The following GRXCR2 variants were observed in gnomAD, a reference collection of about 807,000 sequenced individuals.
GRXCR2 encodes glutaredoxin domain-containing cysteine-rich protein 2.
GRXCR2 carries 23 observed loss-of-function variants against 24.8 expected under a neutral mutation model. The observed-to-expected ratio is 0.93, with a 90% CI of 0.67 to 1.32. The LOEUF (loss-of-function observed/expected upper bound fraction) is 1.32, where lower values mean the gene tolerates loss of function less well. Among genes scored for constraint, GRXCR2 ranks in the 40% most tolerant of loss-of-function variants. GRXCR2 has a pLI of 0.00. For missense variants in GRXCR2, 315 were observed against 303.4 expected (o/e 1.04, Z -0.28); for synonymous variants, 130 against 116.1 (o/e 1.12, Z -0.77).
intron 2 of GRXCR2, among the ~76,000 whole-genome samples, chr5:145,898,552 A>G (rs2149921776): frequency 6.6e-6 from 1 of 152,264 alleles, no homozygotes. Flanking sequence ...CTAGCAAACT[A>G]AATTCATCAA....
chr5:145,859,785 C>T lies in GRXCR2; in HGVS notation c.695G>A (p.Cys232Tyr). ...RFKESYRALR[C>Y]PACNENGLQP... ...TAGGCCATTCTCATTGCAGGCAGGG[C>T]ACCTCAGGGCCCGATAGGACTCCTT... Residue 232 changes from cysteine to tyrosine, a missense_variant, in exon 3 of 3, where the codon TGC (cysteine) becomes TAC (tyrosine). By Grantham distance (194) the Cys-to-Tyr change is radical (BLOSUM62 -2). Coordinates refer to ENST00000377976, the MANE Select transcript of GRXCR2 (RefSeq NM_001080516.2). 1.2e-6 allele frequency: 2 copies of T among 1,614,230 alleles called. No homozygotes were observed. The highest frequency in any genetic ancestry group is 1.7e-6 in the Non-Finnish European group (2 of 1,180,032).
intron 2 of GRXCR2, among the ~76,000 whole-genome samples, chr5:145,930,634 G>A (rs188587028): frequency 2.0e-3 from 297 of 152,262 alleles, no homozygotes; most frequent in Non-Finnish European, 3.4e-3. Flanking sequence ...AAGATAAAAT[G>A]CAAATGATGG....
chr5:145,870,746 G>T (rs775696970), intron 1 of GRXCR2, among the ~76,000 whole-genome samples: 4 of 152,134 alleles, frequency 2.6e-5, no homozygotes, highest in Non-Finnish European at 5.9e-5. Flanking sequence ...GCAGCTACAT[G>T]AATCCATCCT....
intron 2 of GRXCR2, among the ~76,000 whole-genome samples, chr5:145,880,360 G>T (rs574240613): frequency 2.0e-5 from 3 of 152,144 alleles, no homozygotes; most frequent in East Asian, 1.9e-4. Flanking sequence ...ATGATAAAAG[G>T]GATGTCACCA....
chr5:145,863,009 C>T (rs1310817077), intron 2 of GRXCR2, among the ~76,000 whole-genome samples: 1 of 152,176 alleles, frequency 6.6e-6, no homozygotes, highest in African/African-American at 2.4e-5. Flanking sequence ...TCACATAAAG[C>T]ATAAAGAAGC....
intron 2 of GRXCR2, among the ~76,000 whole-genome samples, chr5:145,865,374 G>A (rs993490433): frequency 3.3e-5 from 5 of 152,140 alleles, no homozygotes; most frequent in African/African-American, 9.7e-5. Context: ...CCTCCCCCTG[G>A]TCTGAGCATG....
chr5:145,867,760 G>A (rs146476055), intron 1 of GRXCR2, among the ~76,000 whole-genome samples: 190 of 152,300 alleles, frequency 1.2e-3, no homozygotes, highest in African/African-American at 4.5e-3. Context: ...GGAAAGTCAT[G>A]TAACCTCTCA....
intron 2 of GRXCR2, among the ~76,000 whole-genome samples, chr5:145,923,922 C>T (rs921379510): frequency 6.6e-6 from 1 of 152,080 alleles, no homozygotes; most frequent in Non-Finnish European, 1.5e-5. Context: ...GTATATATCC[C>T]TTTGCATACT....
chr5:145,861,053 G>A (rs1013620348), intron 2 of GRXCR2, among the ~76,000 whole-genome samples: 2 of 151,538 alleles, frequency 1.3e-5, no homozygotes, highest in African/African-American at 4.9e-5. Context: ...ATACTAGATC[G>A]AAACCTGCTA....
chr5:145,878,641 G>A (rs1756654641), intron 2 of GRXCR2, among the ~76,000 whole-genome samples: 2 of 152,142 alleles, frequency 1.3e-5, no homozygotes, highest in African/African-American at 4.8e-5. Flanking sequence ...TCATCCAGGA[G>A]AACTTCCCCA....
intron 2 of GRXCR2, among the ~76,000 whole-genome samples, chr5:145,919,513 C>G (rs1398250056): frequency 6.6e-6 from 1 of 152,200 alleles, no homozygotes; most frequent in Non-Finnish European, 1.5e-5. Context: ...GAGTCCCACT[C>G]CCTGAGTTGC....
Position 145,881,536 on chromosome 5 carries a change from C to G in GRXCR2, c.-69-14808G>C, listed in dbSNP as rs556647400. ...TCAACGAAATAAAAGAGGATACAAACAAATGGAAGAACATCCCATGCTCAT... is the reference window on the plus strand; with the variant it reads ...TCAACGAAATAAAAGAGGATACAAAGAAATGGAAGAACATCCCATGCTCAT... On this transcript the variant is annotated intron_variant, in intron 2 of 3. Transcript: ENST00000639411. 4.6e-5 allele frequency among the ~76,000 whole-genome samples: 7 copies of G among 152,250 alleles called. No homozygotes were observed. The South Asian group carries it at 1.4e-3, about 31-fold the overall frequency.
At chr5:145,866,458 G>T (rs1182426572) in intron 2 of GRXCR2, 43 bp downstream of exon 2, 3 of 1,449,884 alleles carry the variant, frequency 2.1e-6, no homozygotes, top group African/African-American at 2.8e-5. Context: ...GACCATTGCT[G>T]TAGGGCCAGC....
intron 2 of GRXCR2, among the ~76,000 whole-genome samples, chr5:145,898,588 A>G (rs964650123): frequency 2.0e-5 from 3 of 152,192 alleles, no homozygotes; most frequent in African/African-American, 7.2e-5. Flanking sequence ...ATCCACCATG[A>G]TCAAATAGGC....
intron 2 of GRXCR2, among the ~76,000 whole-genome samples, chr5:145,890,417 C>T (rs536232585): frequency 9.2e-4 from 140 of 152,116 alleles, no homozygotes; most frequent in African/African-American, 2.9e-3. Flanking sequence ...GCAAAGACTT[C>T]GAGAAATATG....
At chr5:145,896,321 A>C (rs1756948287) in intron 2 of GRXCR2, among the ~76,000 whole-genome samples, 1 of 152,252 alleles carries the variant, frequency 6.6e-6, no homozygotes, top group South Asian at 2.1e-4. Flanking sequence ...ACAGCAAAGG[A>C]AACTACCATC....
intron 2 of GRXCR2, among the ~76,000 whole-genome samples, chr5:145,898,509 A>G (rs1756981217): frequency 6.6e-6 from 1 of 152,168 alleles, no homozygotes; most frequent in African/African-American, 2.4e-5. Context: ...AATATCCCTG[A>G]TGAATATACA....
chr5:145,884,646 A>G (rs1298167139), intron 2 of GRXCR2, among the ~76,000 whole-genome samples: 1 of 152,168 alleles, frequency 6.6e-6, no homozygotes, highest in Non-Finnish European at 1.5e-5. Context: ...AAATGTTCAC[A>G]ATGCTTGATG....
intron 2 of GRXCR2, among the ~76,000 whole-genome samples, chr5:145,916,399 T>C (rs1263567746): frequency 6.6e-6 from 1 of 152,198 alleles, no homozygotes. Context: ...ATTTCATTCA[T>C]GATCAGTTAC....
Sources: allele counts gnomAD v4.1 joint callset (sites outside exome capture counted in the v4.1 genomes callset), GRCh38; gene constraint gnomAD v4.1.1; transcripts MANE v1.5; gene names NCBI Gene and HGNC (gene_info 2026-07-23, HGNC 2026-07-21).